PARM1: variants seen among roughly 807,000 people sequenced by gnomAD.
PARM1 encodes WSC4, cell wall integrity and stress response component 4 homolog.
In PARM1, 14 loss-of-function variants were observed where a neutral mutation model predicts 24.6. That is an observed-to-expected ratio of 0.57 (90% confidence interval 0.38 to 0.89). The LOEUF (loss-of-function observed/expected upper bound fraction) is 0.89, where lower values mean the gene tolerates loss of function less well. Ranked by LOEUF, PARM1 falls within the 40% of genes least tolerant of loss-of-function variation. PARM1 has a pLI of 0.00. For missense variants in PARM1, 362 were observed against 380.4 expected (o/e 0.95, Z 0.40); for synonymous variants, 179 against 156.6 (o/e 1.14, Z -1.07).
intron 1 of PARM1, among the ~76,000 whole-genome samples, chr4:74,980,699 C>G (rs919210486): frequency 2.6e-5 from 4 of 152,268 alleles, no homozygotes; most frequent in African/African-American, 9.6e-5. Flanking sequence ...ATCACACTAC[C>G]TGACTTCAAA....
intron 1 of PARM1, among the ~76,000 whole-genome samples, chr4:75,007,361 A>G (rs539298201): frequency 3.9e-5 from 6 of 152,306 alleles, no homozygotes; most frequent in African/African-American, 1.4e-4. Context: ...TGGTTGCTAA[A>G]GTAAGTTCCA....
chr4:75,027,753 A>G (rs1723210363), intron 2 of PARM1, among the ~76,000 whole-genome samples: 1 of 152,174 alleles, frequency 6.6e-6, no homozygotes, highest in African/African-American at 2.4e-5. Context: ...CCTCTTCCCA[A>G]TTAATTTGAA....
intron 1 of PARM1, among the ~76,000 whole-genome samples, chr4:74,935,767 T>A (rs575858554): frequency 6.6e-6 from 1 of 152,296 alleles, no homozygotes; most frequent in South Asian, 2.1e-4. Context: ...CAATGGACAC[T>A]TGCAAATATG....
At chr4:74,961,628 C>T (rs1212110287) in intron 1 of PARM1, among the ~76,000 whole-genome samples, 1 of 152,096 alleles carries the variant, frequency 6.6e-6, no homozygotes, top group Non-Finnish European at 1.5e-5. Context: ...TCATTCTAAA[C>T]TTTAGAGGCC....
chr4:75,029,864 C>T (rs1025225187), intron 2 of PARM1, among the ~76,000 whole-genome samples: 1 of 148,380 alleles, frequency 6.7e-6, no homozygotes, highest in Non-Finnish European at 1.5e-5. Flanking sequence ...TTTTTTAGGA[C>T]AATGATTAGG....
intron 1 of PARM1, among the ~76,000 whole-genome samples, chr4:74,975,918 C>A (rs1722131930): frequency 6.6e-6 from 1 of 152,082 alleles, no homozygotes; most frequent in Non-Finnish European, 1.5e-5. Flanking sequence ...TCATTGGGAC[C>A]AACTAGACAG....
intron 2 of PARM1, among the ~76,000 whole-genome samples, chr4:75,018,210 A>G (rs1723024564): frequency 6.6e-6 from 1 of 152,180 alleles, no homozygotes; most frequent in African/African-American, 2.4e-5. Flanking sequence ...CATATGGCAT[A>G]GTGAGTAACC....
At chr4:75,016,131 G>A (rs937106576) in intron 2 of PARM1, among the ~76,000 whole-genome samples, 2 of 152,182 alleles carry the variant, frequency 1.3e-5, no homozygotes, top group Non-Finnish European at 2.9e-5. Context: ...TAGACCTTAA[G>A]AAAGGGCTCC....
chr4:74,948,493 G>A (rs933731390), intron 1 of PARM1, among the ~76,000 whole-genome samples: 3 of 152,130 alleles, frequency 2.0e-5, no homozygotes, highest in Non-Finnish European at 4.4e-5. Context: ...CCATGTACTG[G>A]CATGTAGAAA....
At chr4:74,934,996 C>CTTTTTTTTTTTTTTTTT (rs11392364) in intron 1 of PARM1, among the ~76,000 whole-genome samples, 2 of 116,542 alleles carry the variant, frequency 1.7e-5, no homozygotes, top group Admixed American at 9.2e-5. Context: ...GCTCTTTTTT[C>CTTTTTTTTTTTTTTTTT]TTTTTTTTTT....
At chr4:74,990,289 C>T (rs1722441091) in intron 1 of PARM1, among the ~76,000 whole-genome samples, 1 of 152,174 alleles carries the variant, frequency 6.6e-6, no homozygotes, top group African/African-American at 2.4e-5. Context: ...TTAATTCAAG[C>T]AAGCAAGGCC....
chr4:75,032,893 T>A (rs2109808565), intron 2 of PARM1, among the ~76,000 whole-genome samples: 1 of 152,310 alleles, frequency 6.6e-6, no homozygotes, highest in South Asian at 2.1e-4. Context: ...TAACACCAGC[T>A]TTAGTGCCGA....
At chr4:74,983,772 C>T (rs1722302737) in intron 1 of PARM1, among the ~76,000 whole-genome samples, 1 of 152,172 alleles carries the variant, frequency 6.6e-6, no homozygotes, top group Non-Finnish European at 1.5e-5. Flanking sequence ...TCCCTTTCCA[C>T]CCCACCCCTT....
Position 75,047,182 on chromosome 4 carries a change from A to T in PARM1, c.*935A>T, listed in dbSNP as rs1343351093. On this transcript the variant is annotated 3_prime_UTR_variant, in exon 4 of 4. Transcript: ENST00000307428. ...ATTGATAATGGCCAGAGATATCCAC[A>T]GCTTGGAGGAGCCCAGAGACCGTTT... 1 of 152,256 alleles carries T rather than the reference A, an allele frequency of 6.6e-6. No individual in the cohort carries two copies. Among genetic ancestry groups the T allele is most frequent in the East Asian group, 1.9e-4 (1 of 5,202 alleles). 9.4% of individuals were successfully genotyped at this position (152,256 alleles called of 1,614,324 possible). A position where few individuals can be genotyped will look rare whatever the true frequency, so the allele number is the denominator to read the frequency against.
At chr4:74,962,632 A>G (rs562017093) in intron 1 of PARM1, among the ~76,000 whole-genome samples, 1 of 152,340 alleles carries the variant, frequency 6.6e-6, no homozygotes, top group East Asian at 1.9e-4. Flanking sequence ...CAAACAAGAG[A>G]GCAGGGGTGA....
At position 75,032,659 on chromosome 4, in the gene PARM1, GAA is replaced by G. The variant is rs552575368; in HGVS notation, c.770-1223_770-1222del. 2.3e-4 allele frequency among the ~76,000 whole-genome samples: 35 copies of G among 152,250 alleles called. 1 individual carries two copies. The highest frequency in any genetic ancestry group is 2.0e-3 in the Admixed American group (30 of 15,302). ...CCCTTAAAATCATGCAAGATGGATA[GAA>G]CACTCTTATTCCTCTGTCTCAGCAG... On this transcript the variant is annotated intron_variant, in intron 2 of 3. Coordinates refer to ENST00000307428, the MANE Select transcript of PARM1 (RefSeq NM_015393.4).
intron 1 of PARM1, among the ~76,000 whole-genome samples, chr4:74,949,194 A>G (rs1475455083): frequency 6.6e-6 from 1 of 152,224 alleles, no homozygotes; most frequent in African/African-American, 2.4e-5. Flanking sequence ...TTAGTTATCC[A>G]GTACTAGCCA....
intron 2 of PARM1, among the ~76,000 whole-genome samples, chr4:75,032,749 T>C (rs965463207): frequency 3.3e-5 from 5 of 152,228 alleles, no homozygotes; most frequent in African/African-American, 4.8e-5. Flanking sequence ...CTACTAATGG[T>C]TGAACCACAC....
In PARM1 at chr4:75,035,994, G is replaced by A. The variant is rs540651180; in HGVS notation, c.848+2033G>A. Among the ~76,000 whole-genome samples the A allele has an allele frequency of 4.6e-5, 7 of 152,138 alleles. No homozygotes were observed. The South Asian group carries it at 6.2e-4, about 14-fold the overall frequency. ...TGCAGATACACCGTATTTTAATTAC[G>A]AGTTAAATTGGCTTTTATGAACTAC... On this transcript the variant is annotated intron_variant, in intron 3 of 3. Transcript: ENST00000307428.
Sources: gnomAD v4.1 joint callset for allele counts (sites outside exome capture counted in the v4.1 genomes callset) on GRCh38, gnomAD v4.1.1 for gene constraint, MANE v1.5 for transcripts, NCBI Gene and HGNC (gene_info 2026-07-23, HGNC 2026-07-21) for gene names.